ASAP1: variants seen among roughly 807,000 people sequenced by gnomAD.
The protein encoded by ASAP1 is ArfGAP with SH3 domain, ankyrin repeat and PH domain 1.
In ASAP1, 43 loss-of-function variants were observed where a neutral mutation model predicts 145.2. The ratio of observed to expected loss-of-function variants is 0.30; its 90% CI spans 0.23 to 0.38. The LOEUF is 0.38. ASAP1 is among the 10% of genes least tolerant of loss of function. The pLI is 1.00. For missense variants in ASAP1, 1,018 were observed against 1,355.3 expected (o/e 0.75, Z 3.91); for synonymous variants, 546 against 515.5 (o/e 1.06, Z -0.80).
At chr8:130,107,768 C>T (rs914688346) in intron 24 of ASAP1, among the ~76,000 whole-genome samples, 30 of 152,050 alleles carry the variant, frequency 2.0e-4, no homozygotes, top group Non-Finnish European at 3.2e-4. Context: ...AGGCTGGTCT[C>T]GAACTCCTGA....
At chr8:130,225,030 G>A (rs999011590) in intron 4 of ASAP1, among the ~76,000 whole-genome samples, 1 of 152,274 alleles carries the variant, frequency 6.6e-6, no homozygotes, top group East Asian at 1.9e-4. Flanking sequence ...CTGGCCACAT[G>A]TGTATAAAAA....
chr8:130,161,263 T>C (rs1296786080), intron 11 of ASAP1, among the ~76,000 whole-genome samples: 1 of 152,094 alleles, frequency 6.6e-6, no homozygotes, highest in African/African-American at 2.4e-5. Context: ...ACACCTGAAA[T>C]GTGATAGTGT....
chr8:130,111,648 T>C (rs928542680), intron 24 of ASAP1, among the ~76,000 whole-genome samples: 1 of 151,456 alleles, frequency 6.6e-6, no homozygotes, highest in Non-Finnish European at 1.5e-5. Context: ...TTCAAAAGAG[T>C]GGCATTTTAA....
In ASAP1 at chr8:130,214,821, A is replaced by G. The variant is rs552094484; in HGVS notation, c.260-120T>C. The G allele has an allele frequency of 7.1e-4, 569 of 805,900 alleles. 2 individuals are homozygous for G. Among genetic ancestry groups the G allele is most frequent in the Middle Eastern group, 1.1e-3 (3 of 2,688 alleles). The allele number at this position is 805,900 out of a possible 1,614,324, so 49.9% of individuals were successfully genotyped here. A position where few individuals can be genotyped will look rare whatever the true frequency, so the allele number is the denominator to read the frequency against. On this transcript the variant is annotated intron_variant, in intron 4 of 29. Coordinates refer to ENST00000518721, the MANE Select transcript of ASAP1 (RefSeq NM_018482.4). ...GAAGCATAAACTGTATCAATTATTT[A>G]TTGCACATGTCCCAAAGGTTAGGTT...
chr8:130,369,247 G>GA (rs1356261643), intron 2 of ASAP1, among the ~76,000 whole-genome samples: 1 of 152,172 alleles, frequency 6.6e-6, no homozygotes, highest in Non-Finnish European at 1.5e-5. Context: ...CTTGGGGATG[G>GA]AGCCCAAGAC....
chr8:130,215,982 AAGG>A (rs768803820), intron 4 of ASAP1, among the ~76,000 whole-genome samples: 2 of 53,948 alleles, frequency 3.7e-5, no homozygotes, highest in East Asian at 1.4e-3. Context: ...AGAAAAAGGA[AAGG>A]AAAGGAAAGG....
At chr8:130,428,056 A>G (rs1587030871) in intron 1 of ASAP1, among the ~76,000 whole-genome samples, 1 of 151,838 alleles carries the variant, frequency 6.6e-6, no homozygotes, top group South Asian at 2.1e-4. Flanking sequence ...GCCACAAAGC[A>G]CCCGCCCCAC....
At chr8:130,148,092 A>G (rs532167780) in intron 13 of ASAP1, among the ~76,000 whole-genome samples, 1 of 152,228 alleles carries the variant, frequency 6.6e-6, no homozygotes, top group Non-Finnish European at 1.5e-5. Context: ...AATCCCTTAC[A>G]GCCCTCTCTA....
intron 1 of ASAP1, among the ~76,000 whole-genome samples, chr8:130,407,361 C>A (rs987738995): frequency 6.6e-6 from 1 of 152,212 alleles, no homozygotes; most frequent in Non-Finnish European, 1.5e-5. Context: ...ACTGCCCAGA[C>A]ACAACCAGGG....
At chr8:130,234,324 T>C (rs775687020) in intron 4 of ASAP1, among the ~76,000 whole-genome samples, 1 of 152,138 alleles carries the variant, frequency 6.6e-6, no homozygotes, top group Non-Finnish European at 1.5e-5. Context: ...TTTAAAACCA[T>C]ATCTCACCAG....
At chr8:130,227,577 A>G (rs1416900223) in intron 4 of ASAP1, among the ~76,000 whole-genome samples, 1 of 151,850 alleles carries the variant, frequency 6.6e-6, no homozygotes, top group Non-Finnish European at 1.5e-5. Context: ...ACTATTTTTA[A>G]TCATCAATCC....
At chr8:130,268,533 AC>A (rs1177420724) in intron 3 of ASAP1, among the ~76,000 whole-genome samples, 63 of 147,980 alleles carry the variant, frequency 4.3e-4, no homozygotes, top group African/African-American at 1.5e-3. Flanking sequence ...ACACACACAC[AC>A]AACTGTGTAA....
chr8:130,283,524 G>A (rs1222011693), intron 3 of ASAP1, among the ~76,000 whole-genome samples: 1 of 143,184 alleles, frequency 7.0e-6, no homozygotes, highest in Non-Finnish European at 1.5e-5. Flanking sequence ...AGGCTGCAGT[G>A]AGAGGAGATC....
chr8:130,287,225 T>A (rs4733572), intron 3 of ASAP1, among the ~76,000 whole-genome samples: 61,102 of 151,998 alleles, frequency 0.4, 12,829 homozygotes, highest in East Asian at 0.65. Context: ...TGCCTGGAAC[T>A]AGCAAATAAT....
At chr8:130,225,404 G>C (rs2136541156) in intron 4 of ASAP1, among the ~76,000 whole-genome samples, 1 of 152,242 alleles carries the variant, frequency 6.6e-6, no homozygotes, top group Non-Finnish European at 1.5e-5. Flanking sequence ...TGTTTATATA[G>C]CACAGGAAAG....
intron 3 of ASAP1, among the ~76,000 whole-genome samples, chr8:130,291,133 C>T (rs1025887578): frequency 6.6e-6 from 1 of 152,050 alleles, no homozygotes; most frequent in Non-Finnish European, 1.5e-5. Flanking sequence ...TCACATACCC[C>T]TCCAGCCAAA....
chr8:130,149,355 G>T (rs563046770), intron 13 of ASAP1, among the ~76,000 whole-genome samples: 3 of 151,618 alleles, frequency 2.0e-5, no homozygotes, highest in Non-Finnish European at 4.4e-5. Flanking sequence ...GTTGGTAAAA[G>T]AATTTTTTTT....
At chr8:130,125,155 G>A (rs190424718) in intron 17 of ASAP1, among the ~76,000 whole-genome samples, 1 of 152,156 alleles carries the variant, frequency 6.6e-6, no homozygotes, top group Non-Finnish European at 1.5e-5. Flanking sequence ...TGAGCCTCCT[G>A]TCTGAGAAGT....
chr8:130,262,763 C>CATT (rs1334067354), intron 3 of ASAP1, among the ~76,000 whole-genome samples: 1 of 152,118 alleles, frequency 6.6e-6, no homozygotes, highest in Admixed American at 6.6e-5. Context: ...TTTTCAGATG[C>CATT]ATTATTAAAT....
Sources: allele counts gnomAD v4.1 joint callset (sites outside exome capture counted in the v4.1 genomes callset), GRCh38; gene constraint gnomAD v4.1.1; transcripts MANE v1.5; gene names NCBI Gene and HGNC (gene_info 2026-07-23, HGNC 2026-07-21).